Variants in KLHL29 observed in about 807,000 individuals in gnomAD.
KLHL29 encodes the protein kelch-like protein 29.
A neutral mutation model predicts 80.4 loss-of-function variants in KLHL29; 21 were observed. The ratio of observed to expected loss-of-function variants is 0.26; its 90% CI spans 0.19 to 0.38. The LOEUF is 0.38. Ranked by LOEUF, KLHL29 falls within the 10% of genes least tolerant of loss-of-function variation. The pLI, the probability that KLHL29 is intolerant of heterozygous loss-of-function variation, is 1.00. For synonymous variants in KLHL29, 511 were observed against 526.8 expected (o/e 0.97, Z 0.41); for missense variants, 867 against 1,223.9 (o/e 0.71, Z 4.35).
intron 1 of KLHL29, among the ~76,000 whole-genome samples, chr2:23,412,128 G>GT (rs1558328527): frequency 6.8e-6 from 1 of 148,050 alleles, no homozygotes. Context: ...GTGAAGGGGG[G>GT]GGGGGGGCGG....
intron 1 of KLHL29, among the ~76,000 whole-genome samples, chr2:23,446,045 T>C (rs1432563135): frequency 6.6e-6 from 1 of 152,204 alleles, no homozygotes; most frequent in Non-Finnish European, 1.5e-5. Context: ...CTTATATTTT[T>C]GCAATGCATT....
chr2:23,412,126 G>GT (rs1272670251), intron 1 of KLHL29, among the ~76,000 whole-genome samples: 1 of 131,160 alleles, frequency 7.6e-6, no homozygotes, highest in African/African-American at 3.4e-5. Context: ...GCGTGAAGGG[G>GT]GGGGGGGGGC....
intron 3 of KLHL29, among the ~76,000 whole-genome samples, chr2:23,566,596 C>G (rs1004260071): frequency 1.1e-4 from 17 of 152,216 alleles, no homozygotes; most frequent in African/African-American, 4.1e-4. Context: ...AAAATTTAAG[C>G]CAAAGGTTAT....
rs1671980433 is a variant in KLHL29 at position 23,696,692 on chromosome 2, A to G, written c.2105+179A>G. 1 of 563,926 alleles carries G rather than the reference A, an allele frequency of 1.8e-6. No homozygotes were observed. The highest frequency in any genetic ancestry group is 1.9e-5 in the African/African-American group (1 of 51,842). The allele number at this position is 563,926 out of a possible 1,614,324, so 34.9% of individuals were successfully genotyped here. A position where few individuals can be genotyped will look rare whatever the true frequency, so the allele number is the denominator to read the frequency against. ...CACCGGGGGCAGCAGGGTGTGGGAT[A>G]CAAGCAGATGGGATGACATCTGTGT... On this transcript the variant is annotated intron_variant, in intron 11 of 13. Transcript: ENST00000486442. The surrounding 1 kb of genome is among the most constrained non-coding windows in gnomAD (Gnocchi z 5.5).
intron 3 of KLHL29, among the ~76,000 whole-genome samples, chr2:23,589,083 C>T (rs1013898292): frequency 2.6e-5 from 4 of 152,242 alleles, no homozygotes; most frequent in African/African-American, 9.6e-5. Context: ...TCCACCCGCC[C>T]ACTGGGGTTT....
chr2:23,555,500 A>G (rs1012481873), intron 2 of KLHL29, among the ~76,000 whole-genome samples: 3 of 151,996 alleles, frequency 2.0e-5, no homozygotes, highest in African/African-American at 7.3e-5. Context: ...CTGGCACCCC[A>G]TGATGCTGAC....
intron 1 of KLHL29, among the ~76,000 whole-genome samples, 182 bp from the exon 2 acceptor site, chr2:23,475,377 TA>T (rs1384517239): frequency 1.1e-5 from 1 of 92,850 alleles, no homozygotes; most frequent in East Asian, 5.1e-4. Context: ...CTGTGTGAGA[TA>T]ATCCACAGTA....
At chr2:23,623,975 A>G (rs1452633304) in intron 3 of KLHL29, among the ~76,000 whole-genome samples, 3 of 152,232 alleles carry the variant, frequency 2.0e-5, no homozygotes, top group Non-Finnish European at 1.5e-5. Context: ...CTCCCCGTGA[A>G]TAAACAATAG....
intron 5 of KLHL29, among the ~76,000 whole-genome samples, chr2:23,678,228 A>C (rs779031471): frequency 4.8e-4 from 73 of 152,330 alleles, no homozygotes; most frequent in Admixed American, 1.4e-3. Context: ...AGCCCCAGGC[A>C]GAGCCTCTTC....
At chr2:23,642,982 G>C in intron 5 of KLHL29, 132 bp downstream of exon 5, 1 of 1,076,454 alleles carries the variant, frequency 9.3e-7, no homozygotes, top group Non-Finnish European at 1.4e-6. Flanking sequence ...AGAGGCTGCA[G>C]TGGAGCCTCC....
chr2:23,645,074 C>T (rs3795930), intron 5 of KLHL29, among the ~76,000 whole-genome samples: 2,689 of 152,262 alleles, frequency 0.018, 69 homozygotes, highest in African/African-American at 0.06. Flanking sequence ...GTGACGCACG[C>T]GCCTACAAAT....
chr2:23,676,213 T>A (rs929647342), intron 5 of KLHL29, among the ~76,000 whole-genome samples: 10 of 152,018 alleles, frequency 6.6e-5, no homozygotes, highest in Non-Finnish European at 1.5e-4. Context: ...AGACAGAGTC[T>A]GCTCTGTCGC....
At chr2:23,547,007 A>G (rs1666995142) in intron 2 of KLHL29, among the ~76,000 whole-genome samples, 1 of 152,212 alleles carries the variant, frequency 6.6e-6, no homozygotes. Flanking sequence ...CCAGGGTGTG[A>G]ACCATCAGAG....
intron 1 of KLHL29, among the ~76,000 whole-genome samples, chr2:23,399,656 T>C (rs1666540673): frequency 6.6e-6 from 1 of 152,222 alleles, no homozygotes; most frequent in Admixed American, 6.5e-5. Flanking sequence ...GTTTCAATAA[T>C]TGTGAACCTG....
intron 1 of KLHL29, among the ~76,000 whole-genome samples, chr2:23,399,092 A>G (rs947057692): frequency 6.6e-6 from 1 of 152,172 alleles, no homozygotes; most frequent in Non-Finnish European, 1.5e-5. Flanking sequence ...GAAGATCACC[A>G]TTGCTGACTG....
At chr2:23,442,153 G>A (rs6544851) in intron 1 of KLHL29, among the ~76,000 whole-genome samples, 45,479 of 151,836 alleles carry the variant, frequency 0.3, 6,981 homozygotes, top group South Asian at 0.4. Context: ...ACACAAAAAC[G>A]GCTTACTGCA....
chr2:23,617,620 G>A (rs1389437392), intron 3 of KLHL29: 1 of 152,232 alleles, frequency 6.6e-6, no homozygotes, highest in Non-Finnish European at 1.5e-5. Flanking sequence ...CAGCTTCCTT[G>A]GTTGGGAGTG....
In KLHL29 at chr2:23,707,768, G is replaced by A. The variant is rs879364813; in HGVS notation, c.*1104G>A. 9 of 152,242 alleles carry A rather than the reference G, an allele frequency of 5.9e-5. No homozygotes were observed. The highest frequency in any genetic ancestry group is 1.3e-4 in the Non-Finnish European group (9 of 68,072). The allele number at this position is 152,242 out of a possible 1,614,324, so 9.4% of individuals were successfully genotyped here. ...TTTGATATTCATAGCTATATATTAA[G>A]GCACCTGCCACAAGAGCTCTCAGGA... On this transcript the variant is annotated 3_prime_UTR_variant, in exon 14 of 14. Coordinates refer to ENST00000486442, the MANE Select transcript of KLHL29 (RefSeq NM_052920.2).
intron 2 of KLHL29, among the ~76,000 whole-genome samples, chr2:23,485,056 G>A (rs1323116095): frequency 6.6e-6 from 1 of 152,122 alleles, no homozygotes; most frequent in African/African-American, 2.4e-5. Context: ...TTCCGGTGTG[G>A]TCCTGTCACT....
Sources: gnomAD v4.1 joint callset for allele counts (sites outside exome capture counted in the v4.1 genomes callset) on GRCh38, gnomAD v4.1.1 for gene constraint, Gnocchi (gnomAD v3.1) non-coding constraint, MANE v1.5 for transcripts, NCBI Gene and HGNC (gene_info 2026-07-23, HGNC 2026-07-21) for gene names.